RBFOX1: variants seen among roughly 807,000 people sequenced by gnomAD.
RBFOX1 encodes the protein RNA binding protein fox-1 homolog 1.
Under a neutral mutation model 57.7 loss-of-function variants are expected in RBFOX1, and 8 were observed. The observed-to-expected ratio is 0.14, with a 90% CI of 0.08 to 0.25. The LOEUF (loss-of-function observed/expected upper bound fraction) is 0.25. Among genes scored for constraint, RBFOX1 ranks in the 10% least tolerant of loss-of-function variants. The pLI is 1.00. For synonymous variants in RBFOX1, 326 were observed against 222.4 expected (o/e 1.47, Z -4.15); for missense variants, 611 against 548.5 (o/e 1.11, Z -1.14).
intron 3 of RBFOX1, among the ~76,000 whole-genome samples, chr16:6,946,629 G>A (rs2079576080): frequency 6.6e-6 from 1 of 151,844 alleles, no homozygotes; most frequent in South Asian, 2.1e-4. Context: ...AGGGGTTAGG[G>A]TCTGGTTCAG....
chr16:7,612,797 A>C (rs2057767130), intron 10 of RBFOX1, among the ~76,000 whole-genome samples: 2 of 152,144 alleles, frequency 1.3e-5, no homozygotes, highest in Admixed American at 1.3e-4. Flanking sequence ...TCTGTTTCTC[A>C]ATTGCCAGTA....
chr16:7,473,006 A>C (rs1003433885), intron 4 of RBFOX1, among the ~76,000 whole-genome samples: 3 of 151,578 alleles, frequency 2.0e-5, no homozygotes, highest in East Asian at 3.9e-4. Context: ...ATTCCTCTCA[A>C]CCTCACAGTC....
chr16:5,616,105 C>T (rs997643656), intron 3 of RBFOX1: 3 of 152,530 alleles, frequency 2.0e-5, no homozygotes, highest in Admixed American at 6.5e-5. Flanking sequence ...CCCTGACCTG[C>T]AAGGGACAGT....
chr16:7,251,924 T>C (rs1472639799), intron 4 of RBFOX1, among the ~76,000 whole-genome samples: 5 of 152,222 alleles, frequency 3.3e-5, no homozygotes, highest in Admixed American at 2.6e-4. Flanking sequence ...ATTTTTTTCA[T>C]AATGGCTGTA....
rs373473954 is a variant in RBFOX1 at position 6,896,207 on chromosome 16, A to C, written c.-15-155850A>C. Among the ~76,000 whole-genome samples the C allele has an allele frequency of 3.9e-5, 6 of 152,280 alleles. No individual in the cohort carries two copies. In the East Asian group the frequency reaches 7.7e-4, roughly 20 times the overall value. On this transcript the variant is annotated intron_variant, in intron 3 of 15. Transcript: ENST00000550418. Reference sequence around the variant, plus strand: ...AGAATCACTTGAACCTGGCAGGCGAAGGTTGTAGTGAGCAGAGATCATGCC... The same window carrying C: ...AGAATCACTTGAACCTGGCAGGCGACGGTTGTAGTGAGCAGAGATCATGCC...
chr16:6,022,232 A>C (rs2095095403), intron 1 of RBFOX1, among the ~76,000 whole-genome samples: 1 of 145,078 alleles, frequency 6.9e-6, no homozygotes, highest in East Asian at 2.0e-4. Flanking sequence ...CCCTGGGATG[A>C]AAGTATTACC....
At chr16:5,924,056 T>C (rs1204980982) in intron 4 of RBFOX1, among the ~76,000 whole-genome samples, 1 of 152,126 alleles carries the variant, frequency 6.6e-6, no homozygotes, top group Non-Finnish European at 1.5e-5. Context: ...GGATAGTGAC[T>C]GAATCTCATG....
intron 14 of RBFOX1, among the ~76,000 whole-genome samples, chr16:7,694,686 G>GCACT (rs2078241797): frequency 6.6e-6 from 1 of 152,198 alleles, no homozygotes; most frequent in Non-Finnish European, 1.5e-5. Flanking sequence ...CCCAGTGCTA[G>GCACT]GTGCAATGGT....
intron 4 of RBFOX1, among the ~76,000 whole-genome samples, chr16:5,956,295 T>G (rs1395800170): frequency 1.3e-5 from 2 of 152,036 alleles, no homozygotes; most frequent in African/African-American, 2.4e-5. Flanking sequence ...ACAAACAAAC[T>G]AAATATGTAT....
chr16:6,093,263 A>C (rs114201073), intron 1 of RBFOX1, among the ~76,000 whole-genome samples: 100 of 152,282 alleles, frequency 6.6e-4, no homozygotes, highest in African/African-American at 2.3e-3. Flanking sequence ...TTATTCAATA[A>C]AGAATAGAAG....
At chr16:7,125,737 C>G (rs1014905200) in intron 4 of RBFOX1, among the ~76,000 whole-genome samples, 2 of 151,904 alleles carry the variant, frequency 1.3e-5, no homozygotes, top group Non-Finnish European at 2.9e-5. Flanking sequence ...TTGTTTCACA[C>G]AACTATGCAA....
intron 4 of RBFOX1, among the ~76,000 whole-genome samples, chr16:5,909,740 A>T: frequency 6.6e-6 from 1 of 152,124 alleles, no homozygotes; most frequent in Non-Finnish European, 1.5e-5. Flanking sequence ...CCCTGGTAAG[A>T]TGTCAGAGCA....
intron 4 of RBFOX1, among the ~76,000 whole-genome samples, chr16:7,206,943 GGT>G (rs1447858764): frequency 1.3e-5 from 2 of 152,158 alleles, no homozygotes; most frequent in Non-Finnish European, 2.9e-5. Flanking sequence ...TGTTCTGTGT[GGT>G]AGTCCCACTT....
At chr16:7,466,950 A>T (rs939634844) in intron 4 of RBFOX1, among the ~76,000 whole-genome samples, 5 of 152,166 alleles carry the variant, frequency 3.3e-5, no homozygotes, top group African/African-American at 1.2e-4. Context: ...ATCAACACAT[A>T]TTTACAGAGC....
intron 1 of RBFOX1, among the ~76,000 whole-genome samples, chr16:6,103,135 C>T (rs1194669896): frequency 6.6e-6 from 1 of 152,156 alleles, no homozygotes; most frequent in African/African-American, 2.4e-5. Context: ...TGAGAACATG[C>T]AATATTTGCT....
At chr16:7,229,923 GGA>G in intron 4 of RBFOX1, among the ~76,000 whole-genome samples, 1 of 40,160 alleles carries the variant, frequency 2.5e-5, no homozygotes, top group East Asian at 1.0e-3. Flanking sequence ...GGAGAGAGAG[GGA>G]GGAAGGGAGA....
intron 4 of RBFOX1, among the ~76,000 whole-genome samples, chr16:5,989,732 G>A (rs936835649): frequency 6.6e-6 from 1 of 151,890 alleles, no homozygotes; most frequent in Non-Finnish European, 1.5e-5. Flanking sequence ...TCTCGCTTCT[G>A]GGCTCTGTAG....
At chr16:6,522,974 G>C (rs933915857) in intron 2 of RBFOX1, among the ~76,000 whole-genome samples, 2 of 152,166 alleles carry the variant, frequency 1.3e-5, no homozygotes, top group Non-Finnish European at 2.9e-5. Flanking sequence ...TAAAGAACCA[G>C]CTCCTTCTTA....
chr16:6,067,329 G>A (rs1013551290), intron 1 of RBFOX1, among the ~76,000 whole-genome samples: 4 of 151,548 alleles, frequency 2.6e-5, no homozygotes, highest in African/African-American at 9.7e-5. Flanking sequence ...TTCTGTGCCC[G>A]ATATAGCTTC....
Sources: allele counts gnomAD v4.1 joint callset (sites outside exome capture counted in the v4.1 genomes callset), GRCh38; gene constraint gnomAD v4.1.1; transcripts MANE v1.5; gene names NCBI Gene and HGNC (gene_info 2026-07-23, HGNC 2026-07-21).